Variants in ANKRD45 observed in about 807,000 individuals in gnomAD.
ANKRD45 encodes ankyrin repeat domain 45, also known as ankyrin repeat domain-containing protein 45.
ANKRD45 carries 21 observed loss-of-function variants against 28.1 expected under a neutral mutation model. The ratio of observed to expected loss-of-function variants is 0.75; its 90% CI spans 0.53 to 1.08. The LOEUF (loss-of-function observed/expected upper bound fraction) is 1.08. ANKRD45 is among the 50% of genes least tolerant of loss of function. The probability of loss-of-function intolerance (pLI) is 0.00; values close to 1 mark genes in which losing one functional copy is unlikely to be tolerated. For synonymous variants in ANKRD45, 86 were observed against 103.9 expected (o/e 0.83, Z 1.05); for missense variants, 261 against 308.7 (o/e 0.85, Z 1.16).
chr1:173,666,396 G>A (rs754681165), intron 1 of ANKRD45, among the ~76,000 whole-genome samples: 28 of 152,040 alleles, frequency 1.8e-4, no homozygotes, highest in South Asian at 6.3e-4. Flanking sequence ...AGTATTCATG[G>A]GGGGATTGAT....
chr1:173,661,140 A>C (rs1344365792), intron 1 of ANKRD45, among the ~76,000 whole-genome samples: 1 of 151,906 alleles, frequency 6.6e-6, no homozygotes, highest in Non-Finnish European at 1.5e-5. Context: ...AACACTACAC[A>C]GAAAAAAAAG....
chr1:173,691,578 G>A, the ANKRD45 span, among the ~76,000 whole-genome samples: 1 of 152,168 alleles, frequency 6.6e-6, no homozygotes, highest in Non-Finnish European at 1.5e-5. Context: ...GAGGTCAGGA[G>A]ATCGAGACCA....
intron 4 of ANKRD45, among the ~76,000 whole-genome samples, chr1:173,626,558 T>C (rs1469081984): frequency 3.3e-5 from 5 of 152,292 alleles, no homozygotes; most frequent in East Asian, 1.9e-4. Context: ...TTTTGGACCC[T>C]ACCAGTCCAG....
At chr1:173,700,920 C>T in the ANKRD45 span, among the ~76,000 whole-genome samples, 1 of 152,070 alleles carries the variant, frequency 6.6e-6, no homozygotes, top group South Asian at 2.1e-4. Flanking sequence ...TGCAATCTAC[C>T]CATCTGACAA....
intron 1 of ANKRD45, among the ~76,000 whole-genome samples, chr1:173,663,463 CT>C (rs1303008488): frequency 1.4e-5 from 2 of 147,112 alleles, no homozygotes; most frequent in African/African-American, 5.5e-5. Flanking sequence ...ATCTCATCTC[CT>C]TTTCTTTTGG....
chr1:173,614,749 G>C (rs929466886), intron 5 of ANKRD45, among the ~76,000 whole-genome samples: 13 of 151,822 alleles, frequency 8.6e-5, no homozygotes, highest in African/African-American at 2.4e-4. Context: ...CATAAACAAG[G>C]GTCCTTTTTG....
At chr1:173,617,466 C>T (rs1667513393) in intron 5 of ANKRD45, among the ~76,000 whole-genome samples, 4 of 152,216 alleles carry the variant, frequency 2.6e-5, no homozygotes, top group Admixed American at 2.0e-4. Context: ...TCAAGAAGTC[C>T]TGATGAGGAG....
chr1:173,615,904 C>T (rs1667447762), intron 5 of ANKRD45, among the ~76,000 whole-genome samples: 1 of 152,042 alleles, frequency 6.6e-6, no homozygotes, highest in East Asian at 1.9e-4. Flanking sequence ...GAGATCAAGA[C>T]CATCCTGGCT....
chr1:173,630,603 C>G (rs564911778), intron 3 of ANKRD45, among the ~76,000 whole-genome samples: 3 of 147,578 alleles, frequency 2.0e-5, no homozygotes, highest in Non-Finnish European at 4.6e-5. Flanking sequence ...AATCCCAGCA[C>G]TTTGGGAGGC....
intron 5 of ANKRD45, among the ~76,000 whole-genome samples, chr1:173,620,196 T>C (rs1452860388): frequency 6.6e-6 from 1 of 152,194 alleles, no homozygotes; most frequent in Non-Finnish European, 1.5e-5. Flanking sequence ...ATTGATCACA[T>C]ATGCAGAAGT....
At chr1:173,620,167 A>C (rs1667639831) in intron 5 of ANKRD45, among the ~76,000 whole-genome samples, 2 of 152,246 alleles carry the variant, frequency 1.3e-5, no homozygotes, top group African/African-American at 4.8e-5. Flanking sequence ...TCTCATCACC[A>C]CGTGGCACTT....
At chr1:173,612,559 A>T (rs1667212332) in intron 5 of ANKRD45, 5 of 152,308 alleles carry the variant, frequency 3.3e-5, no homozygotes, top group Middle Eastern at 3.4e-3. Context: ...TAATTTTTTT[A>T]AAAAAGACAA....
chr1:173,693,714 G>A, the ANKRD45 span, among the ~76,000 whole-genome samples: 1 of 152,216 alleles, frequency 6.6e-6, no homozygotes, highest in Non-Finnish European at 1.5e-5. Flanking sequence ...TGGATATAAA[G>A]AGATGTCACA....
At chr1:173,672,254 G>A (rs781572598), upstream of ANKRD45, among the ~76,000 whole-genome samples, 3 of 152,114 alleles carry the variant, frequency 2.0e-5, no homozygotes, top group African/African-American at 7.2e-5. Flanking sequence ...TTATAGAGAG[G>A]AACAATAATC....
At chr1:173,697,888 A>G in the ANKRD45 span, among the ~76,000 whole-genome samples, 1 of 152,186 alleles carries the variant, frequency 6.6e-6, no homozygotes, top group Non-Finnish European at 1.5e-5. Context: ...ATAAAGAGTC[A>G]AGACCCATCA....
chr1:173,625,362 G>C (rs924467247), intron 4 of ANKRD45, among the ~76,000 whole-genome samples: 1 of 152,106 alleles, frequency 6.6e-6, no homozygotes, highest in African/African-American at 2.4e-5. Context: ...TGGATGGTAT[G>C]AGTTGCATGC....
chr1:173,687,979 G>A, the ANKRD45 span, among the ~76,000 whole-genome samples: 3 of 144,176 alleles, frequency 2.1e-5, no homozygotes, highest in East Asian at 4.1e-4. Context: ...AGTGGTTAAT[G>A]TTGAATCTTT....
At chr1:173,615,713 CAT>C (rs1422759424) in intron 5 of ANKRD45, among the ~76,000 whole-genome samples, 3 of 152,064 alleles carry the variant, frequency 2.0e-5, no homozygotes, top group East Asian at 1.9e-4. Flanking sequence ...AAAAGGAAAA[CAT>C]GTGACCACAC....
At chr1:173,661,689 C>A (rs1405685654) in intron 1 of ANKRD45, among the ~76,000 whole-genome samples, 1 of 152,042 alleles carries the variant, frequency 6.6e-6, no homozygotes, top group African/African-American at 2.4e-5. Context: ...TGAATTGGGG[C>A]TTTAATTATT....
Sources: allele counts gnomAD v4.1 joint callset (sites outside exome capture counted in the v4.1 genomes callset), GRCh38; gene constraint gnomAD v4.1.1; transcripts MANE v1.5; gene names NCBI Gene and HGNC (gene_info 2026-07-23, HGNC 2026-07-21).